CTNNA3: variants seen among roughly 807,000 people sequenced by gnomAD.
The protein encoded by CTNNA3 is catenin alpha-3.
CTNNA3 carries 76 observed loss-of-function variants against 95.7 expected under a neutral mutation model. The ratio of observed to expected loss-of-function variants is 0.79; its 90% CI spans 0.66 to 0.96. The LOEUF (loss-of-function observed/expected upper bound fraction) is 0.96, where lower values mean the gene tolerates loss of function less well. CTNNA3 is among the 40% of genes least tolerant of loss of function. CTNNA3 has a pLI of 0.00. For synonymous variants in CTNNA3, 431 were observed against 374.4 expected, an observed-to-expected ratio of 1.15 and a Z score of -1.74; for missense variants, 1,191 against 1,089.8, an observed-to-expected ratio of 1.09 and a Z score of -1.31.
At chr10:66,276,830 A>AT (rs34535224) in intron 13 of CTNNA3, among the ~76,000 whole-genome samples, 23,304 of 151,786 alleles carry the variant, frequency 0.15, 1,942 homozygotes, top group East Asian at 0.28. Context: ...CCTATTGTTT[A>AT]TTAAGCATTT....
intron 12 of CTNNA3, among the ~76,000 whole-genome samples, chr10:66,305,939 T>C (rs1334400758): frequency 6.6e-6 from 1 of 152,228 alleles, no homozygotes; most frequent in African/African-American, 2.4e-5. Flanking sequence ...TCAGCAAGAA[T>C]GTTGAGTGAA....
intron 13 of CTNNA3, among the ~76,000 whole-genome samples, chr10:66,264,028 A>G (rs1189437586): frequency 1.3e-5 from 2 of 151,804 alleles, no homozygotes; most frequent in Non-Finnish European, 2.9e-5. Flanking sequence ...TCTATATCAT[A>G]TTTTCTGCTC....
chr10:66,942,388 G>T (rs1564784067), intron 7 of CTNNA3, among the ~76,000 whole-genome samples: 2 of 152,142 alleles, frequency 1.3e-5, no homozygotes, highest in Non-Finnish European at 2.9e-5. Flanking sequence ...GCTCTATTAA[G>T]TATTCTTCTG....
intron 3 of CTNNA3, among the ~76,000 whole-genome samples, chr10:67,558,571 G>A (rs1161773767): frequency 1.3e-5 from 2 of 152,234 alleles, no homozygotes; most frequent in East Asian, 3.9e-4. Context: ...GCAGAAGACG[G>A]GTGATTTCTG....
intron 9 of CTNNA3, among the ~76,000 whole-genome samples, chr10:66,706,594 T>A (rs1848125588): frequency 6.6e-6 from 1 of 152,042 alleles, no homozygotes; most frequent in African/African-American, 2.4e-5. Flanking sequence ...TTAAAAATAA[T>A]CTGTTGTTTA....
In CTNNA3 at chr10:67,539,669, C is replaced by T; in HGVS notation, c.293G>A (p.Ser98Asn). 6.2e-7 allele frequency: 1 copy of T among 1,612,970 alleles called. No homozygotes were observed. The highest frequency in any genetic ancestry group is 1.7e-5 in the Admixed American group (1 of 59,912). Reference protein sequence around the residue: ...TASLEEVRKESEALKVSAERF... With the variant: ...TASLEEVRKENEALKVSAERF... ...CTCAGCTGATACTTTCAGAGCTTCACCTGAAAAATACAACCCCATATAAGT... is the reference window on the plus strand; with the variant it reads ...CTCAGCTGATACTTTCAGAGCTTCATCTGAAAAATACAACCCCATATAAGT... Residue 98 changes from serine to asparagine, a missense_variant and splice_region_variant, in exon 4 of 18, where the codon AGT (serine) becomes AAT (asparagine). By Grantham distance (46) the Ser-to-Asn change is conservative (BLOSUM62 1). Transcript: ENST00000433211.
At chr10:66,684,602 C>CA (rs901599036) in intron 9 of CTNNA3, among the ~76,000 whole-genome samples, 2 of 151,614 alleles carry the variant, frequency 1.3e-5, no homozygotes, top group Non-Finnish European at 1.5e-5. Context: ...TAATGAAGGC[C>CA]AAAAAAACAA....
At chr10:65,959,397 G>A (rs945814711) in intron 17 of CTNNA3, among the ~76,000 whole-genome samples, 1 of 152,126 alleles carries the variant, frequency 6.6e-6, no homozygotes, top group African/African-American at 2.4e-5. Flanking sequence ...TGTACCCACT[G>A]TCCAACAAGC....
At chr10:66,978,318 G>A (rs922940240) in intron 7 of CTNNA3, among the ~76,000 whole-genome samples, 5 of 151,612 alleles carry the variant, frequency 3.3e-5, no homozygotes, top group African/African-American at 1.2e-4. Context: ...TTGAGGTCAG[G>A]AGTTCGAGAC....
intron 17 of CTNNA3, among the ~76,000 whole-genome samples, chr10:65,951,036 A>G (rs887724091): frequency 6.6e-6 from 1 of 152,212 alleles, no homozygotes; most frequent in South Asian, 2.1e-4. Flanking sequence ...CTCAAATCAT[A>G]AACAATATAT....
At chr10:67,531,977 G>C (rs1052154068) in intron 4 of CTNNA3, among the ~76,000 whole-genome samples, 28 of 152,006 alleles carry the variant, frequency 1.8e-4, no homozygotes, top group African/African-American at 6.8e-4. Flanking sequence ...TGTAAGATGT[G>C]ACTTGCTCCT....
rs1027076571 is a variant in CTNNA3, at chr10:66,512,329, T to G, written c.1531+8288A>C. On this transcript the variant is annotated intron_variant, in intron 11 of 17. Coordinates refer to ENST00000433211, the MANE Select transcript of CTNNA3 (RefSeq NM_013266.4). ...GTCTCAGTTTTTTAATTCAGCCAGTTTATATATTTCAATTAGGGAATTTAA... is the reference window on the plus strand; with the variant it reads ...GTCTCAGTTTTTTAATTCAGCCAGTGTATATATTTCAATTAGGGAATTTAA... Among the ~76,000 whole-genome samples the G allele has an allele frequency of 8.5e-5, 13 of 152,068 alleles. 1 individual carries two copies. The highest frequency in any genetic ancestry group is 7.2e-4 in the Admixed American group (11 of 15,268).
At chr10:66,646,809 A>G (rs1845722562) in intron 9 of CTNNA3, among the ~76,000 whole-genome samples, 1 of 152,166 alleles carries the variant, frequency 6.6e-6, no homozygotes, top group African/African-American at 2.4e-5. Context: ...TCCTGTGCTA[A>G]CCAATCTAAA....
At chr10:66,882,495 C>T (rs1189728304) in intron 7 of CTNNA3, among the ~76,000 whole-genome samples, 1 of 152,134 alleles carries the variant, frequency 6.6e-6, no homozygotes, top group Non-Finnish European at 1.5e-5. Context: ...AATACACAGT[C>T]CAGTGTGCCA....
chr10:66,489,849 A>G (rs1171437594), intron 11 of CTNNA3, among the ~76,000 whole-genome samples: 1 of 152,224 alleles, frequency 6.6e-6, no homozygotes. Flanking sequence ...GTAGACTACC[A>G]TCACCTACTG....
intron 16 of CTNNA3, among the ~76,000 whole-genome samples, chr10:65,979,851 C>A (rs563265912): frequency 2.6e-5 from 4 of 152,058 alleles, no homozygotes; most frequent in South Asian, 4.1e-4. Flanking sequence ...TACATTTAGT[C>A]CTATTTAAAT....
chr10:66,239,536 C>A (rs2090011918), intron 13 of CTNNA3, among the ~76,000 whole-genome samples: 5 of 151,832 alleles, frequency 3.3e-5, no homozygotes, highest in Admixed American at 3.3e-4. Flanking sequence ...ACAACAACAT[C>A]AACAAAAACA....
At chr10:66,904,258 A>C (rs1343290992) in intron 7 of CTNNA3, among the ~76,000 whole-genome samples, 3 of 152,164 alleles carry the variant, frequency 2.0e-5, no homozygotes, top group Non-Finnish European at 4.4e-5. Flanking sequence ...CAAAAACAAG[A>C]AATGGGGAAA....
chr10:66,364,384 T>A lies in CTNNA3; in HGVS notation c.1732+14768A>T, dbSNP rs573773190. 2.6e-3 allele frequency among the ~76,000 whole-genome samples: 396 copies of A among 151,996 alleles called. 1 individual carries two copies. The highest frequency in any genetic ancestry group is 0.014 in the Middle Eastern group (4 of 294). On this transcript the variant is annotated intron_variant, in intron 12 of 17. Coordinates refer to ENST00000433211, the MANE Select transcript of CTNNA3 (RefSeq NM_013266.4). ...ACAGTGAGATCCCATCTCAATTTTT[T>A]AAAAAATTATTGAATAAAAAAATTA...
Sources: allele counts gnomAD v4.1 joint callset (sites outside exome capture counted in the v4.1 genomes callset), GRCh38; gene constraint gnomAD v4.1.1; transcripts MANE v1.5; gene names NCBI Gene and HGNC (gene_info 2026-07-23, HGNC 2026-07-21).